The following KLF7 variants were observed in gnomAD, a reference collection of about 807,000 sequenced individuals.
The protein encoded by KLF7 is KLF transcription factor 7.
KLF7 carries 2 observed loss-of-function variants against 27.3 expected under a neutral mutation model. The observed-to-expected ratio is 0.07, with a 90% CI of 0.03 to 0.23. The LOEUF is 0.23. Among genes scored for constraint, KLF7 ranks in the 10% least tolerant of loss-of-function variants. The pLI is 1.00. For synonymous variants in KLF7, 165 were observed against 162.4 expected, an observed-to-expected ratio of 1.02 and a Z score of -0.12; for missense variants, 221 against 394.1, an observed-to-expected ratio of 0.56 and a Z score of 3.72.
intron 1 of KLF7, among the ~76,000 whole-genome samples, chr2:207,161,262 G>A (rs527804326): frequency 5.9e-5 from 9 of 152,214 alleles, no homozygotes; most frequent in South Asian, 2.1e-4. Flanking sequence ...TCTGGGTAAC[G>A]GGCAGTTATA....
chr2:207,112,228 T>C (rs2077057295), intron 2 of KLF7, among the ~76,000 whole-genome samples: 1 of 140,018 alleles, frequency 7.1e-6, no homozygotes, highest in Non-Finnish European at 1.6e-5. Flanking sequence ...AATAATATTA[T>C]ACCCTCTCTG....
intron 2 of KLF7, among the ~76,000 whole-genome samples, chr2:207,122,496 C>A (rs948981664): frequency 3.0e-4 from 46 of 152,266 alleles, no homozygotes; most frequent in African/African-American, 1.1e-3. Context: ...AAAAACAGTT[C>A]ATGGACCTCC....
rs113166776 is a variant in KLF7, at chr2:207,128,867, A to T, written c.103-4463T>A. Among the ~76,000 whole-genome samples, 633 of 152,364 alleles carry T rather than the reference A, an allele frequency of 4.2e-3. 5 individuals are homozygous for T. Among genetic ancestry groups the T allele is most frequent in the African/African-American group, 0.015 (610 of 41,578 alleles). On this transcript the variant is annotated intron_variant, in intron 1 of 3. Coordinates refer to ENST00000309446, the MANE Select transcript of KLF7 (RefSeq NM_003709.4). Reference sequence around the variant, plus strand: ...AGTTGTCACAGACTGGAGAAGAATAAGGAGATATGGCAACTAAATGCAATG... The same window carrying T: ...AGTTGTCACAGACTGGAGAAGAATATGGAGATATGGCAACTAAATGCAATG...
chr2:207,166,489 G>A (rs975454344), upstream of KLF7: 1 of 152,360 alleles, frequency 6.6e-6, no homozygotes, highest in Non-Finnish European at 1.5e-5. Context: ...CCCTCCACTA[G>A]ATGCCTGGCA....
At chr2:207,166,897 G>GCCCGCCCCCCGCTTGCGCACAGTC, upstream of KLF7, 2 of 1,060,336 alleles carry the variant, frequency 1.9e-6, no homozygotes, top group Non-Finnish European at 2.3e-6. Context: ...CGCGGCCTGC[G>GCCCGCCCCCCGCTTGCGCACAGTC]CCCGCCCCCC....
At chr2:207,150,555 A>G (rs1366265032) in intron 1 of KLF7, among the ~76,000 whole-genome samples, 1 of 152,258 alleles carries the variant, frequency 6.6e-6, no homozygotes, top group African/African-American at 2.4e-5. Flanking sequence ...CAGTTTACAA[A>G]GCACTCTCAC....
intron 1 of KLF7, among the ~76,000 whole-genome samples, chr2:207,164,440 A>G (rs756700334): frequency 6.6e-6 from 1 of 151,740 alleles, no homozygotes; most frequent in Non-Finnish European, 1.5e-5. Flanking sequence ...ATTTTTAAAT[A>G]CCCGTGTCCC....
chr2:207,152,999 G>C (rs1343716674), intron 1 of KLF7, among the ~76,000 whole-genome samples: 1 of 152,174 alleles, frequency 6.6e-6, no homozygotes, highest in Non-Finnish European at 1.5e-5. Flanking sequence ...CTTCAAGCCA[G>C]TTCAGTCTAG....
chr2:207,132,540 G>A (rs1353387732), intron 1 of KLF7, among the ~76,000 whole-genome samples: 1 of 152,242 alleles, frequency 6.6e-6, no homozygotes, highest in Non-Finnish European at 1.5e-5. Context: ...TGAGGATGTT[G>A]GAGGGGGAGA....
Position 207,079,769 on chromosome 2 carries a change from A to G in KLF7, c.*1444T>C, listed in dbSNP as rs937852444. 6.6e-6 allele frequency: 1 copy of G among 152,122 alleles called. No individual in the cohort carries two copies. The highest frequency in any genetic ancestry group is 2.4e-5 in the African/African-American group (1 of 41,422). The allele number at this position is 152,122 out of a possible 1,614,324, so 9.4% of individuals were successfully genotyped here. A position where few individuals can be genotyped will look rare whatever the true frequency, so the allele number is the denominator to read the frequency against. On this transcript the variant is annotated 3_prime_UTR_variant, in exon 4 of 4. Transcript: ENST00000309446. ...CCTAGCCAAAAAAAAAAGGAAAGAA[A>G]GAAACGTGTCTCTCCTTTTAGACAG...
Position 207,165,650 on chromosome 2 carries a change from C to G in KLF7, c.-82G>C. 6.3e-6 allele frequency: 10 copies of G among 1,597,402 alleles called. No homozygotes were observed. Among genetic ancestry groups the G allele is most frequent in the Non-Finnish European group, 7.7e-6 (9 of 1,171,730 alleles). ...TGTTTGTTTGTCAGTCTGTCTGGCT[C>G]ACCCCCCAAGAAGGCAGACATCCAG... On this transcript the variant is annotated 5_prime_UTR_variant, in exon 1 of 4. Coordinates refer to ENST00000309446, the MANE Select transcript of KLF7 (RefSeq NM_003709.4).
chr2:207,093,354 C>A (rs1315206904), intron 2 of KLF7, among the ~76,000 whole-genome samples: 1 of 152,214 alleles, frequency 6.6e-6, no homozygotes, highest in Non-Finnish European at 1.5e-5. Flanking sequence ...GCTACCTCTC[C>A]AATATCATCT....
intron 2 of KLF7, among the ~76,000 whole-genome samples, chr2:207,103,763 A>G (rs2076819337): frequency 6.6e-6 from 1 of 152,198 alleles, no homozygotes; most frequent in Non-Finnish European, 1.5e-5. Context: ...AATAGAGCTA[A>G]TCCCTTCTTC....
chr2:207,109,150 C>T (rs1040138782), intron 2 of KLF7, among the ~76,000 whole-genome samples: 1 of 152,194 alleles, frequency 6.6e-6, no homozygotes, highest in African/African-American at 2.4e-5. Context: ...CAATACCTTG[C>T]GTTTGTTTGC....
chr2:207,103,907 C>T (rs1199678292), intron 2 of KLF7, among the ~76,000 whole-genome samples: 2 of 152,230 alleles, frequency 1.3e-5, no homozygotes, highest in Non-Finnish European at 2.9e-5. Context: ...CTTTATGCAA[C>T]GTGGGTCTTA....
intron 1 of KLF7, among the ~76,000 whole-genome samples, chr2:207,155,450 G>A (rs2078356781): frequency 6.6e-6 from 1 of 152,144 alleles, no homozygotes; most frequent in African/African-American, 2.4e-5. Flanking sequence ...TGTAATATCT[G>A]TCTGCTCCCT....
intron 2 of KLF7, among the ~76,000 whole-genome samples, chr2:207,116,042 A>T (rs903305866): frequency 6.6e-6 from 1 of 152,174 alleles, no homozygotes; most frequent in African/African-American, 2.4e-5. Flanking sequence ...TTTAGAAAAC[A>T]AGTTTGGCCA....
intron 1 of KLF7, among the ~76,000 whole-genome samples, chr2:207,163,455 A>C (rs1301996891): frequency 6.6e-6 from 1 of 152,234 alleles, no homozygotes; most frequent in African/African-American, 2.4e-5. Flanking sequence ...ATGGCTTCTT[A>C]GGAAACAATA....
chr2:207,139,349 T>C (rs915093741), intron 1 of KLF7, among the ~76,000 whole-genome samples: 1 of 152,216 alleles, frequency 6.6e-6, no homozygotes, highest in Non-Finnish European at 1.5e-5. Context: ...GAGACTGTAA[T>C]AGGCAGCAAA....
Sources: gnomAD v4.1 joint callset for allele counts (sites outside exome capture counted in the v4.1 genomes callset) on GRCh38, gnomAD v4.1.1 for gene constraint, MANE v1.5 for transcripts, NCBI Gene and HGNC (gene_info 2026-07-23, HGNC 2026-07-21) for gene names.